Variants in RPRD1A observed in about 807,000 individuals in gnomAD.
RPRD1A encodes the protein regulation of nuclear pre-mRNA domain-containing protein 1A.
A neutral mutation model predicts 37.8 loss-of-function variants in RPRD1A; 9 were observed. The observed-to-expected ratio is 0.24, with a 90% confidence interval of 0.14 to 0.42. RPRD1A has a LOEUF of 0.42. Ranked by LOEUF, RPRD1A falls within the 10% of genes least tolerant of loss-of-function variation. The pLI, the probability that RPRD1A is intolerant of heterozygous loss-of-function variation, is 1.00. For missense variants in RPRD1A, 255 were observed against 371.0 expected, an observed-to-expected ratio of 0.69 and a Z score of 2.57; for synonymous variants, 138 against 139.7, an observed-to-expected ratio of 0.99 and a Z score of 0.08.
intron 1 of RPRD1A, among the ~76,000 whole-genome samples, chr18:36,043,758 T>C (rs925645449): frequency 6.6e-6 from 1 of 152,236 alleles, no homozygotes; most frequent in Admixed American, 6.5e-5. Flanking sequence ...AAGTTTATTA[T>C]GTATCTCATT....
At chr18:36,056,120 C>G in intron 1 of RPRD1A, among the ~76,000 whole-genome samples, 1 of 151,976 alleles carries the variant, frequency 6.6e-6, no homozygotes, top group East Asian at 1.9e-4. Flanking sequence ...AACAGAATAA[C>G]AATTATGTAA....
chr18:36,044,373 C>G (rs926093874), intron 1 of RPRD1A, among the ~76,000 whole-genome samples: 7 of 152,234 alleles, frequency 4.6e-5, no homozygotes, highest in African/African-American at 1.7e-4. Flanking sequence ...ACTGTGGTCC[C>G]TAAAAAACAT....
chr18:35,998,305 G>A (rs1909207352), intron 6 of RPRD1A, among the ~76,000 whole-genome samples: 1 of 152,056 alleles, frequency 6.6e-6, no homozygotes, highest in Non-Finnish European at 1.5e-5. Flanking sequence ...ACAGTGAGCT[G>A]AGATTGCACC....
chr18:35,993,210 T>C lies in RPRD1A; in HGVS notation c.880A>G (p.Asn294Asp). Reference sequence around the variant, plus strand: ...AGGTGCATGTGGCTGCCAGTGACATTGGGCAATCGAGATAAGTCTGGCAGG... The same window carrying C: ...AGGTGCATGTGGCTGCCAGTGACATCGGGCAATCGAGATAAGTCTGGCAGG... ...QSLPDLSRLP[N>D]VTGSHMHLPF... The change falls in exon 7 of 7, where the codon AAT becomes GAT. Residue 294 changes from asparagine to aspartate, a missense_variant. Coordinates refer to ENST00000399022, the MANE Select transcript of RPRD1A (RefSeq NM_018170.5). 2 of 1,614,192 alleles carry C rather than the reference T, an allele frequency of 1.2e-6. No homozygotes were observed. Among genetic ancestry groups the C allele is most frequent in the Non-Finnish European group, 1.7e-6 (2 of 1,180,016 alleles).
intron 1 of RPRD1A, chr18:36,063,147 C>G (rs534847742): frequency 6.6e-6 from 1 of 152,314 alleles, no homozygotes; most frequent in African/African-American, 2.4e-5. Context: ...CTACCATTAT[C>G]TAACATATAT....
At chr18:36,048,294 G>A (rs1031183983) in intron 1 of RPRD1A, among the ~76,000 whole-genome samples, 2 of 152,034 alleles carry the variant, frequency 1.3e-5, no homozygotes, top group Admixed American at 6.6e-5. Flanking sequence ...TCAAACTCCC[G>A]ACCTCAGGTG....
chr18:36,026,741 A>T (rs1911395223), intron 6 of RPRD1A, 159 bp downstream of exon 6: 1 of 532,006 alleles, frequency 1.9e-6, no homozygotes, highest in Non-Finnish European at 3.1e-6. Flanking sequence ...GTTCAAGTAG[A>T]AGAAAAACCA....
intron 1 of RPRD1A, among the ~76,000 whole-genome samples, chr18:36,045,032 G>A (rs1214342581): frequency 6.6e-6 from 1 of 152,100 alleles, no homozygotes; most frequent in Non-Finnish European, 1.5e-5. Context: ...TTGAGGCCAG[G>A]AGTTCAAGAT....
chr18:36,007,087 C>G lies in RPRD1A; in HGVS notation c.790-13787G>C, dbSNP rs1274903643. Among the ~76,000 whole-genome samples, 3 of 152,206 alleles carry G rather than the reference C, an allele frequency of 2.0e-5. No homozygotes were observed. The East Asian group carries it at 5.8e-4, about 29-fold the overall frequency. ...TTCCCTTGCCACCCTGTGTTTTACT[C>G]TCAAAGGAAACTCTTAACACTTTCA... On this transcript the variant is annotated intron_variant, in intron 6 of 6. Transcript: ENST00000399022.
At position 36,027,386 on chromosome 18, in the gene RPRD1A, T is replaced by C; in HGVS notation, c.487-76A>G. ...CAAAAGACTTTAATTTCATATTCTT[T>C]CATCCCTATGGGCTATTTACTAGTA... On this transcript the variant is annotated intron_variant, in intron 4 of 6. Transcript: ENST00000399022. 8 of 1,507,466 alleles carry C rather than the reference T, an allele frequency of 5.3e-6. No individual in the cohort carries two copies. The South Asian group carries it at 9.1e-5, about 17-fold the overall frequency. 93.4% of individuals were successfully genotyped at this position (1,507,466 alleles called of 1,614,324 possible). A position where few individuals can be genotyped will look rare whatever the true frequency, so the allele number is the denominator to read the frequency against.
At chr18:36,040,164 T>C (rs1343905942) in intron 1 of RPRD1A, among the ~76,000 whole-genome samples, 1 of 152,198 alleles carries the variant, frequency 6.6e-6, no homozygotes, top group African/African-American at 2.4e-5. Context: ...CTTCCTAAAG[T>C]TTGAGTTAGG....
At chr18:36,038,235 A>G (rs1255814845) in intron 1 of RPRD1A, among the ~76,000 whole-genome samples, 1 of 152,236 alleles carries the variant, frequency 6.6e-6, no homozygotes, top group Non-Finnish European at 1.5e-5. Flanking sequence ...CCAGAGGCCG[A>G]GGAGGAAAAA....
chr18:36,054,942 TTA>T (rs560713953), intron 1 of RPRD1A, among the ~76,000 whole-genome samples: 211 of 152,286 alleles, frequency 1.4e-3, no homozygotes, highest in Middle Eastern at 6.8e-3. Context: ...TTCGTTCTAT[TTA>T]TGTCTTCAAC....
chr18:36,011,001 A>C (rs943820543), intron 6 of RPRD1A, among the ~76,000 whole-genome samples: 1 of 152,216 alleles, frequency 6.6e-6, no homozygotes, highest in African/African-American at 2.4e-5. Flanking sequence ...AGACATAAAA[A>C]TACTACAGAC....
intron 6 of RPRD1A, among the ~76,000 whole-genome samples, chr18:36,015,405 G>C (rs978543368): frequency 6.6e-6 from 1 of 151,898 alleles, no homozygotes; most frequent in Admixed American, 6.6e-5. Context: ...TAGAAGCAGG[G>C]TTTCACCATG....
intron 6 of RPRD1A, among the ~76,000 whole-genome samples, chr18:36,021,074 T>C (rs114440227): frequency 6.6e-6 from 1 of 152,308 alleles, no homozygotes; most frequent in Admixed American, 6.5e-5. Context: ...TAAAATATTT[T>C]AGGACAATAT....
At chr18:36,013,296 C>CA (rs1910294947) in intron 6 of RPRD1A, among the ~76,000 whole-genome samples, 1 of 151,926 alleles carries the variant, frequency 6.6e-6, no homozygotes, top group Non-Finnish European at 1.5e-5. Context: ...ATTAGTATAA[C>CA]AAAAAATGGC....
intron 6 of RPRD1A, among the ~76,000 whole-genome samples, chr18:36,002,131 TG>T (rs1909460411): frequency 6.6e-6 from 1 of 152,194 alleles, no homozygotes; most frequent in Admixed American, 6.5e-5. Flanking sequence ...TTGAGTTTCC[TG>T]GATCAGTGGT....
chr18:36,062,345 A>C (rs866259598), intron 1 of RPRD1A, among the ~76,000 whole-genome samples: 3 of 151,104 alleles, frequency 2.0e-5, no homozygotes, highest in Non-Finnish European at 4.4e-5. Flanking sequence ...AAAAAAAAAA[A>C]AAACATGTAC....
Sources: gnomAD v4.1 joint callset for allele counts (sites outside exome capture counted in the v4.1 genomes callset) on GRCh38, gnomAD v4.1.1 for gene constraint, MANE v1.5 for transcripts, NCBI Gene and HGNC (gene_info 2026-07-23, HGNC 2026-07-21) for gene names.